DNMT1: variants seen among roughly 807,000 people sequenced by gnomAD.
DNMT1 encodes the protein DNA (cytosine-5)-methyltransferase 1.
Under a neutral mutation model 205.3 loss-of-function variants are expected in DNMT1, and 24 were observed. That is an observed-to-expected ratio of 0.12 (90% CI 0.08 to 0.16). The LOEUF is 0.16. DNMT1 is among the 10% of genes least tolerant of loss of function. DNMT1 has a pLI of 1.00. For missense variants in DNMT1, 1,293 were observed against 2,177.7 expected (o/e 0.59, Z 8.09); for synonymous variants, 817 against 839.8 (o/e 0.97, Z 0.47).
intron 39 of DNMT1, among the ~76,000 whole-genome samples, chr19:10,135,264 G>GC (rs34252933): frequency 0.045 from 6,826 of 151,228 alleles, 547 homozygotes; most frequent in East Asian, 0.33. Context: ...ACCAGATTCG[G>GC]GGGGAGGGGT....
At position 10,151,256 on chromosome 19, in the gene DNMT1, C is replaced by A; in HGVS notation, c.2265+142G>T. Reference sequence around the variant, plus strand: ...CATGGAACATGGTCTCTTGGCCAGTCCCGCTCTTCTCAGGGGCAAACAGAC... The same window carrying A: ...CATGGAACATGGTCTCTTGGCCAGTACCGCTCTTCTCAGGGGCAAACAGAC... On this transcript the variant is annotated intron_variant, in intron 24 of 40. Transcript: ENST00000359526. This position sits in a 1 kb window ranked among gnomAD's most constrained non-coding sequence, Gnocchi z 5.0. The A allele has an allele frequency of 7.9e-7, 1 of 1,266,044 alleles. No homozygotes were observed. Among genetic ancestry groups the A allele is most frequent in the East Asian group, 2.3e-5 (1 of 43,264 alleles). 78.4% of individuals were successfully genotyped at this position (1,266,044 alleles called of 1,614,324 possible).
chr19:10,167,560 C>G (rs2038723070), intron 10 of DNMT1, among the ~76,000 whole-genome samples: 1 of 152,190 alleles, frequency 6.6e-6, no homozygotes, highest in Admixed American at 6.5e-5. Flanking sequence ...TGGTCTGGCA[C>G]AGCCACAAGC....
intron 14 of DNMT1, 21 bp downstream of exon 14, chr19:10,160,363 A>T (rs1190317674): frequency 4.3e-6 from 7 of 1,614,134 alleles, no homozygotes; most frequent in Non-Finnish European, 5.9e-6. Context: ...GCTTTCGATA[A>T]TGTCAAGAAT....
In DNMT1 at chr19:10,138,001, G is replaced by A. The variant is rs1259943763; in HGVS notation, c.4124C>T (p.Ser1375Leu). 6 of 1,610,416 alleles carry A rather than the reference G, an allele frequency of 3.7e-6. No individual in the cohort carries two copies. The highest frequency in any genetic ancestry group is 1.7e-5 in the Admixed American group (1 of 59,626). Residue 1375 changes from serine (S) to leucine (L), a missense_variant, in exon 36 of 41, where the codon TCG becomes TTG. Physicochemically the swap from Ser to Leu is moderately radical, Grantham distance 145 (BLOSUM62 -2). Coordinates refer to ENST00000359526, the MANE Select transcript of DNMT1 (RefSeq NM_001130823.3). This position sits in a 1 kb window ranked among gnomAD's most constrained non-coding sequence, Gnocchi z 4.1. ...CACCGTGATGGTCCGGAAAGGACCCGAGCTCAACCTGCAACAGAGGAGGAG... is the reference window on the plus strand; with the variant it reads ...CACCGTGATGGTCCGGAAAGGACCCAAGCTCAACCTGCAACAGAGGAGGAG... ...KFVSNITRLSSGPFRTITVRD... is the reference protein window; with the variant it reads ...KFVSNITRLSLGPFRTITVRD...
At position 10,162,583 on chromosome 19, in the gene DNMT1, G is replaced by T. The variant is rs1366570964; in HGVS notation, c.1008+84C>A. On this transcript the variant is annotated intron_variant, in intron 13 of 40. Transcript: ENST00000359526. ...CCACGCCCAGTCTTCTTTTTCCTAA[G>T]ACCAGCCTGGGCAACATGGCGAAAC... 2.1e-5 allele frequency: 30 copies of T among 1,420,008 alleles called. No individual in the cohort carries two copies. The African/African-American group carries it at 4.6e-4, about 22-fold the overall frequency. The allele number at this position is 1,420,008 out of a possible 1,614,324, so 88.0% of individuals were successfully genotyped here.
intron 13 of DNMT1, 116 bp downstream of exon 13, chr19:10,162,551 T>C: frequency 1.8e-6 from 2 of 1,096,600 alleles, no homozygotes; most frequent in Non-Finnish European, 2.6e-6. Context: ...ATTACAGGCG[T>C]GCGCCACCAC....
intron 27 of DNMT1, 37 bp downstream of exon 27, chr19:10,148,847 A>G (rs1458988809): frequency 3.1e-6 from 5 of 1,613,740 alleles, no homozygotes; most frequent in Non-Finnish European, 4.2e-6. Context: ...GTGGGCTGAA[A>G]GTGCCTGCTG....
At position 10,159,798 on chromosome 19, in the gene DNMT1, A is replaced by T. The variant is rs2038528683; in HGVS notation, c.1171-31T>A. 15 of 1,614,064 alleles carry T rather than the reference A, an allele frequency of 9.3e-6. No individual in the cohort carries two copies. Among genetic ancestry groups the T allele is most frequent in the African/African-American group, 1.3e-5 (1 of 74,924 alleles). ...GGACACGGGGCTGGTGAGCAGTGGG[A>T]CAAGGGACAGGCAGAGGAAGGCTGG... On this transcript the variant is annotated intron_variant, in intron 16 of 40. Coordinates refer to ENST00000359526, the MANE Select transcript of DNMT1 (RefSeq NM_001130823.3). The surrounding 1 kb of genome is among the most constrained non-coding windows in gnomAD (Gnocchi z 5.0).
chr19:10,165,433 C>T (rs2038670238), intron 11 of DNMT1, among the ~76,000 whole-genome samples: 1 of 152,144 alleles, frequency 6.6e-6, no homozygotes, highest in African/African-American at 2.4e-5. Context: ...CGCTCTGTTG[C>T]CCAGGCTGGA....
At chr19:10,173,695 T>C (rs976041105) in intron 8 of DNMT1, among the ~76,000 whole-genome samples, 176 bp downstream of exon 8, 5 of 152,072 alleles carry the variant, frequency 3.3e-5, no homozygotes, top group African/African-American at 1.2e-4. Context: ...TTTCGCCATG[T>C]TGGTCAGGCT....
In DNMT1 at chr19:10,137,596, A is replaced by C. The variant is rs115805097; in HGVS notation, c.4293+236T>G. The C allele has an allele frequency of 1.8e-3, 1,228 of 666,302 alleles. 10 individuals are homozygous for C. The African/African-American group carries it at 0.02, about 11-fold the overall frequency. 41.3% of individuals were successfully genotyped at this position (666,302 alleles called of 1,614,324 possible). ...GGGGAGAGGCAGCAAGGGGGAAGGC[A>C]GTGGTGGGTGGGCAGTGGCTTGACA... On this transcript the variant is annotated intron_variant, in intron 36 of 40. Transcript: ENST00000359526. This position sits in a 1 kb window ranked among gnomAD's most constrained non-coding sequence, Gnocchi z 6.4.
chr19:10,142,323 A>G, intron 29 of DNMT1, 103 bp from the exon 30 acceptor site: 2 of 1,534,190 alleles, frequency 1.3e-6, no homozygotes, highest in South Asian at 2.3e-5. Context: ...TGCAGGGTAA[A>G]GACCCCCTAG....
At position 10,151,706 on chromosome 19, in the gene DNMT1, C is replaced by G; in HGVS notation, c.2117+44G>C. On this transcript the variant is annotated intron_variant, in intron 23 of 40. Transcript: ENST00000359526. The surrounding 1 kb of genome is among the most constrained non-coding windows in gnomAD (Gnocchi z 5.0). ...TTCTCCACAGTGCATCTGCCACCAG[C>G]TGGCAAGTCCTCTGCCACAGGAGGA... The G allele has an allele frequency of 6.2e-7, 1 of 1,610,198 alleles. No homozygotes were observed. Among genetic ancestry groups the G allele is most frequent in the Non-Finnish European group, 8.5e-7 (1 of 1,176,582 alleles).
At chr19:10,184,083 C>G (rs1211769930) in intron 1 of DNMT1, among the ~76,000 whole-genome samples, 1 of 152,026 alleles carries the variant, frequency 6.6e-6, no homozygotes, top group Non-Finnish European at 1.5e-5. Context: ...GGGGGCAGGT[C>G]ATATAGTTGG....
intron 8 of DNMT1, 58 bp from the exon 9 acceptor site, chr19:10,173,232 G>A: frequency 6.3e-7 from 1 of 1,579,060 alleles, no homozygotes; most frequent in Middle Eastern, 1.7e-4. Flanking sequence ...CCCCAAAGAA[G>A]CAGTTTTCAT....
chr19:10,141,651 G>A, intron 30 of DNMT1: 1 of 331,558 alleles, frequency 3.0e-6, no homozygotes, highest in Non-Finnish European at 5.7e-6. Context: ...GTAGGCGCCT[G>A]GCCCAAGGGA....
chr19:10,185,424 CAAA>C (rs908115315), intron 1 of DNMT1, among the ~76,000 whole-genome samples: 16 of 95,190 alleles, frequency 1.7e-4, no homozygotes, highest in African/African-American at 3.5e-4. Flanking sequence ...AACTCTGTCT[CAAA>C]AAAAAAAAAA....
At position 10,159,593 on chromosome 19, in the gene DNMT1, C is replaced by A; in HGVS notation, c.1280+65G>T. On this transcript the variant is annotated intron_variant, in intron 17 of 40. Coordinates refer to ENST00000359526, the MANE Select transcript of DNMT1 (RefSeq NM_001130823.3). The surrounding 1 kb of genome is among the most constrained non-coding windows in gnomAD (Gnocchi z 5.0). ...AAAAAACATCACCAGAATCGTGAGCCCGCAGGCACCTCTGGGGATGTGCCT... is the reference window on the plus strand; with the variant it reads ...AAAAAACATCACCAGAATCGTGAGCACGCAGGCACCTCTGGGGATGTGCCT... The A allele has an allele frequency of 1.3e-6, 2 of 1,513,906 alleles. No homozygotes were observed. Among genetic ancestry groups the A allele is most frequent in the Non-Finnish European group, 1.8e-6 (2 of 1,091,210 alleles). The allele number at this position is 1,513,906 out of a possible 1,614,324, so 93.8% of individuals were successfully genotyped here.
chr19:10,144,287 A>G lies in DNMT1; in HGVS notation c.2895-300T>C, dbSNP rs558718830. ...GCCGGGTGTGGTGGTACATGCCTATAATTCCAGCTACTTGGGAGGCTGAGG... is the reference window on the plus strand; with the variant it reads ...GCCGGGTGTGGTGGTACATGCCTATGATTCCAGCTACTTGGGAGGCTGAGG... On this transcript the variant is annotated intron_variant, in intron 28 of 40. Coordinates refer to ENST00000359526, the MANE Select transcript of DNMT1 (RefSeq NM_001130823.3). 8 of 376,056 alleles carry G rather than the reference A, an allele frequency of 2.1e-5. 1 individual carries two copies. The highest frequency in any genetic ancestry group is 1.1e-4 in the South Asian group (5 of 46,376). 23.3% of individuals were successfully genotyped at this position (376,056 alleles called of 1,614,324 possible).
Sources: allele counts gnomAD v4.1 joint callset (sites outside exome capture counted in the v4.1 genomes callset), GRCh38; gene constraint gnomAD v4.1.1; non-coding constraint Gnocchi (gnomAD v3.1); transcripts MANE v1.5; gene names NCBI Gene and HGNC (gene_info 2026-07-23, HGNC 2026-07-21).